Variants in OPCML observed in about 807,000 individuals in gnomAD.
The protein encoded by OPCML is opioid binding protein/cell adhesion molecule like, also known as opioid-binding protein/cell adhesion molecule.
In OPCML, 13 loss-of-function variants were observed where a neutral mutation model predicts 37.8. That is an observed-to-expected ratio of 0.34 (90% CI 0.22 to 0.55). OPCML has a LOEUF of 0.55. OPCML is among the 20% of genes least tolerant of loss of function. The pLI is 0.91. For missense variants in OPCML, 341 were observed against 435.6 expected (o/e 0.78, Z 1.93); for synonymous variants, 176 against 168.8 (o/e 1.04, Z -0.33).
At chr11:133,513,852 A>G (rs1297436590) in intron 1 of OPCML, among the ~76,000 whole-genome samples, 2 of 152,206 alleles carry the variant, frequency 1.3e-5, no homozygotes, top group East Asian at 1.9e-4. Flanking sequence ...ATCTTAATTC[A>G]TGAGCTGCAT....
chr11:132,629,426 A>G (rs2135685292), intron 3 of OPCML, among the ~76,000 whole-genome samples: 1 of 152,300 alleles, frequency 6.6e-6, no homozygotes, highest in South Asian at 2.1e-4. Context: ...CTTGGACCAC[A>G]CAGACATGAC....
intron 2 of OPCML, among the ~76,000 whole-genome samples, chr11:132,922,594 C>A (rs1944844603): frequency 6.6e-6 from 1 of 152,104 alleles, no homozygotes; most frequent in African/African-American, 2.4e-5. Flanking sequence ...AGCCAAAATT[C>A]TTCACTCTCC....
chr11:133,160,670 C>T (rs1288647963), intron 1 of OPCML, among the ~76,000 whole-genome samples: 7 of 152,234 alleles, frequency 4.6e-5, no homozygotes, highest in African/African-American at 1.7e-4. Flanking sequence ...TGTTCTGCAA[C>T]GCTGCTCTGG....
intron 1 of OPCML, among the ~76,000 whole-genome samples, chr11:133,184,070 G>C (rs950639483): frequency 3.3e-5 from 5 of 152,254 alleles, no homozygotes; most frequent in African/African-American, 1.2e-4. Flanking sequence ...GAGGAAGTAG[G>C]GACTCAGAGG....
chr11:132,974,855 A>G (rs1946421367), intron 1 of OPCML, among the ~76,000 whole-genome samples: 1 of 151,284 alleles, frequency 6.6e-6, no homozygotes. Context: ...TCATTGCAAG[A>G]TTACCTTCTT....
chr11:133,439,604 A>G (rs1032631284), intron 1 of OPCML, among the ~76,000 whole-genome samples: 5 of 151,980 alleles, frequency 3.3e-5, no homozygotes, highest in African/African-American at 9.7e-5. Flanking sequence ...AGTGGCTGGG[A>G]CTACAGGTGC....
intron 1 of OPCML, among the ~76,000 whole-genome samples, chr11:132,993,920 T>C (rs1946828662): frequency 6.6e-6 from 1 of 152,064 alleles, no homozygotes; most frequent in Admixed American, 6.6e-5. Context: ...AAAGAGGCCC[T>C]CTAACGAGTT....
chr11:132,881,566 G>T, intron 2 of OPCML, among the ~76,000 whole-genome samples: 1 of 151,914 alleles, frequency 6.6e-6, no homozygotes. Flanking sequence ...TCTACTCTAC[G>T]GTTTTAGGGC....
At chr11:132,814,617 A>C (rs1009368851) in intron 2 of OPCML, among the ~76,000 whole-genome samples, 1 of 152,210 alleles carries the variant, frequency 6.6e-6, no homozygotes, top group South Asian at 2.1e-4. Flanking sequence ...TCCGCAGTCC[A>C]CCAATTCAAA....
chr11:132,523,303 A>G (rs1195211345), intron 4 of OPCML, among the ~76,000 whole-genome samples: 1 of 152,226 alleles, frequency 6.6e-6, no homozygotes, highest in Non-Finnish European at 1.5e-5. Flanking sequence ...TGCTAGTATT[A>G]GCTCTTTACT....
At chr11:133,003,019 G>A (rs10791267) in intron 1 of OPCML, among the ~76,000 whole-genome samples, 126,945 of 152,208 alleles carry the variant, frequency 0.83, 53,424 homozygotes, top group African/African-American at 0.94. Flanking sequence ...AAAATCTTAA[G>A]TCCAATTTCT....
chr11:132,926,717 T>C (rs912246126), intron 2 of OPCML, among the ~76,000 whole-genome samples: 13 of 151,820 alleles, frequency 8.6e-5, no homozygotes, highest in Non-Finnish European at 2.9e-5. Flanking sequence ...AAAAAAAATC[T>C]CCATAAGATT....
intron 1 of OPCML, among the ~76,000 whole-genome samples, chr11:133,156,429 T>C (rs1040709828): frequency 6.6e-6 from 1 of 152,140 alleles, no homozygotes; most frequent in African/African-American, 2.4e-5. Flanking sequence ...TCCTGACCCT[T>C]CTCTATGTTC....
At chr11:132,776,018 C>T (rs556016508) in intron 2 of OPCML, among the ~76,000 whole-genome samples, 5 of 152,294 alleles carry the variant, frequency 3.3e-5, no homozygotes, top group African/African-American at 1.2e-4. Context: ...CAAGCTTTGC[C>T]TCCTGGGTTC....
chr11:133,285,212 G>A (rs997865198), intron 1 of OPCML, among the ~76,000 whole-genome samples: 44 of 152,186 alleles, frequency 2.9e-4, no homozygotes, highest in African/African-American at 1.1e-3. Context: ...CAGTGGCTGA[G>A]CACAGGGTAT....
chr11:133,115,488 T>C (rs371950447), intron 1 of OPCML, among the ~76,000 whole-genome samples: 112 of 152,164 alleles, frequency 7.4e-4, no homozygotes, highest in African/African-American at 2.7e-3. Context: ...AAGTCGAATG[T>C]GATTAACAAA....
At chr11:133,233,028 G>T (rs1351649190) in intron 1 of OPCML, among the ~76,000 whole-genome samples, 2 of 152,148 alleles carry the variant, frequency 1.3e-5, no homozygotes, top group Non-Finnish European at 2.9e-5. Context: ...TTTTTGGGGG[G>T]TGGGTCTTCC....
chr11:133,179,879 G>A (rs886876559), intron 1 of OPCML, among the ~76,000 whole-genome samples: 4 of 152,174 alleles, frequency 2.6e-5, no homozygotes, highest in Non-Finnish European at 4.4e-5. Context: ...GAGGAGAGCG[G>A]CCAGTGGGTA....
At chr11:132,509,730 A>C (rs1008093209) in intron 4 of OPCML, among the ~76,000 whole-genome samples, 6 of 152,324 alleles carry the variant, frequency 3.9e-5, no homozygotes, top group Admixed American at 3.9e-4. Flanking sequence ...TTTCACCTAG[A>C]TTTCAGAAGA....
Sources: allele counts gnomAD v4.1 joint callset (sites outside exome capture counted in the v4.1 genomes callset), GRCh38; gene constraint gnomAD v4.1.1; transcripts MANE v1.5; gene names NCBI Gene and HGNC (gene_info 2026-07-23, HGNC 2026-07-21).